Variants in THEMIS observed in about 807,000 individuals in gnomAD.
The protein encoded by THEMIS is thymocyte selection associated.
THEMIS carries 37 observed loss-of-function variants against 52.6 expected under a neutral mutation model. The observed-to-expected ratio is 0.70, with a 90% confidence interval of 0.54 to 0.93. The LOEUF is 0.93. Ranked by LOEUF, THEMIS falls within the 40% of genes least tolerant of loss-of-function variation. THEMIS has a pLI of 0.00. For missense variants in THEMIS, 808 were observed against 763.1 expected, an observed-to-expected ratio of 1.06 and a Z score of -0.69; for synonymous variants, 292 against 272.7, an observed-to-expected ratio of 1.07 and a Z score of -0.70.
chr6:127,812,444 A>G (rs146742745), intron 4 of THEMIS, among the ~76,000 whole-genome samples: 97 of 152,318 alleles, frequency 6.4e-4, no homozygotes, highest in Non-Finnish European at 1.1e-3. Flanking sequence ...GACATGTGCT[A>G]TAGATGCATG....
At chr6:127,915,471 G>A (rs1342648) in intron 1 of THEMIS, among the ~76,000 whole-genome samples, 5 of 151,814 alleles carry the variant, frequency 3.3e-5, no homozygotes, top group Admixed American at 2.6e-4. Context: ...ATTGCTATTC[G>A]GCCCTGATTT....
chr6:127,746,611 T>C (rs12198905), intron 4 of THEMIS, among the ~76,000 whole-genome samples: 5,635 of 144,708 alleles, frequency 0.039, 138 homozygotes, highest in Middle Eastern at 0.059. Context: ...TTGTTTTTAA[T>C]ACTAAAAAAT....
chr6:127,760,435 A>G (rs192493032), intron 4 of THEMIS, among the ~76,000 whole-genome samples: 80 of 152,104 alleles, frequency 5.3e-4, no homozygotes, highest in African/African-American at 1.6e-3. Context: ...TGAAATTTTG[A>G]TAGGTATTAC....
chr6:127,713,484 T>TA (rs989217490), intron 5 of THEMIS, among the ~76,000 whole-genome samples: 15 of 151,942 alleles, frequency 9.9e-5, no homozygotes, highest in Non-Finnish European at 8.8e-5. Context: ...AGCAAACTGA[T>TA]AAAAAATCCC....
At chr6:127,769,802 G>A (rs1173570214) in intron 4 of THEMIS, among the ~76,000 whole-genome samples, 1 of 152,056 alleles carries the variant, frequency 6.6e-6, no homozygotes, top group Non-Finnish European at 1.5e-5. Context: ...ATGACAGTGT[G>A]TGATGTTCCC....
At chr6:127,873,476 C>A (rs1780217707) in intron 1 of THEMIS, among the ~76,000 whole-genome samples, 1 of 152,126 alleles carries the variant, frequency 6.6e-6, no homozygotes, top group South Asian at 2.1e-4. Context: ...TGTACTCCCC[C>A]AAAAACAGCG....
intron 2 of THEMIS, among the ~76,000 whole-genome samples, chr6:127,851,890 A>G (rs1779438776): frequency 6.6e-6 from 1 of 151,704 alleles, no homozygotes; most frequent in Non-Finnish European, 1.5e-5. Flanking sequence ...TGCTCAGAAC[A>G]CTTACATTAG....
At chr6:127,703,056 T>G in the THEMIS span, among the ~76,000 whole-genome samples, 3 of 124,222 alleles carry the variant, frequency 2.4e-5, no homozygotes, top group African/African-American at 3.0e-5. Flanking sequence ...TTTTTTTTTT[T>G]TTTTTTTTTG....
In THEMIS at chr6:127,868,593, G is replaced by A. The variant is rs144273417; in HGVS notation, c.92-13405C>T. 2,479 of 407,696 alleles carry A rather than the reference G, an allele frequency of 6.1e-3. 11 individuals carry two copies. The highest frequency in any genetic ancestry group is 7.4e-3 in the Non-Finnish European group (2,251 of 302,254). 25.3% of individuals were successfully genotyped at this position (407,696 alleles called of 1,614,324 possible). On this transcript the variant is annotated intron_variant, in intron 1 of 5. Transcript: ENST00000368248. ...GGATATGGGATGACTCATAGCTTTG[G>A]CTGGTGATATCTGGCTACAAGCTGC... is the stretch of plus-strand genomic sequence containing the variant.
At chr6:127,745,275 C>T (rs1431280282) in intron 4 of THEMIS, among the ~76,000 whole-genome samples, 1 of 151,660 alleles carries the variant, frequency 6.6e-6, no homozygotes, top group Non-Finnish European at 1.5e-5. Context: ...TATGCCTAAG[C>T]AATTAATCTT....
At chr6:127,829,370 A>G (rs1778615063) in intron 3 of THEMIS, 106 bp downstream of exon 3, 1 of 872,762 alleles carries the variant, frequency 1.1e-6, no homozygotes, top group South Asian at 1.8e-5. Flanking sequence ...CACAGGCTCA[A>G]TAGTTGAAAT....
At chr6:127,776,453 G>A (rs902371904) in intron 4 of THEMIS, among the ~76,000 whole-genome samples, 1 of 152,230 alleles carries the variant, frequency 6.6e-6, no homozygotes, top group African/African-American at 2.4e-5. Flanking sequence ...AGACAGCTCT[G>A]TGCAGAGGCT....
chr6:127,730,316 G>GA (rs1176339654), intron 4 of THEMIS, among the ~76,000 whole-genome samples: 1 of 129,860 alleles, frequency 7.7e-6, no homozygotes, highest in Non-Finnish European at 1.5e-5. Context: ...GAAAAGAAAA[G>GA]AGAAAAAAAG....
chr6:127,855,211 A>G, intron 1 of THEMIS, 23 bp from the exon 2 acceptor site: 1 of 1,557,552 alleles, frequency 6.4e-7, no homozygotes, highest in Non-Finnish European at 8.6e-7. Flanking sequence ...AAAAGTTAAA[A>G]CAGCTTTTTA....
chr6:127,806,406 G>C (rs1246037719), intron 4 of THEMIS, among the ~76,000 whole-genome samples: 3 of 152,100 alleles, frequency 2.0e-5, no homozygotes, highest in Non-Finnish European at 4.4e-5. Flanking sequence ...TAGATAAGGA[G>C]TGGGGGACAG....
chr6:127,697,005 C>CCA, the THEMIS span, among the ~76,000 whole-genome samples: 7 of 152,020 alleles, frequency 4.6e-5, no homozygotes, highest in Admixed American at 3.9e-4. Context: ...ACACATGCGC[C>CCA]CACACACACA....
chr6:127,830,765 A>G (rs969342419), intron 2 of THEMIS, among the ~76,000 whole-genome samples: 5 of 152,194 alleles, frequency 3.3e-5, no homozygotes, highest in Admixed American at 6.5e-5. Context: ...ATGGTTGCAC[A>G]ATATTCCAAA....
Position 127,746,914 on chromosome 6 carries a change from A to G in THEMIS, c.1759-27091T>C, listed in dbSNP as rs1445677386. Among the ~76,000 whole-genome samples, 28 of 63,754 alleles carry G rather than the reference A, an allele frequency of 4.4e-4. 1 individual carries two copies. The highest frequency in any genetic ancestry group is 1.9e-3 in the African/African-American group (28 of 14,880). 41.8% of individuals were successfully genotyped at this position (63,754 alleles called of 152,430 possible). A position where few individuals can be genotyped will look rare whatever the true frequency, so the allele number is the denominator to read the frequency against. ...TTATTATATAATTATATTATATATA[A>G]TTATATATAGATATCTATAATTATA... On this transcript the variant is annotated intron_variant, in intron 4 of 5. Coordinates refer to ENST00000368248, the MANE Select transcript of THEMIS (RefSeq NM_001010923.3).
At position 127,839,596 on chromosome 6, in the gene THEMIS, G is replaced by T. The variant is rs892216021; in HGVS notation, c.251-9662C>A. ...CAGATCACTGCGGCCTCGAACTCCTGGGTTCATGCCATCCTCCCACCTAAG... is the reference window on the plus strand; with the variant it reads ...CAGATCACTGCGGCCTCGAACTCCTTGGTTCATGCCATCCTCCCACCTAAG... On this transcript the variant is annotated intron_variant, in intron 2 of 5. Coordinates refer to ENST00000368248, the MANE Select transcript of THEMIS (RefSeq NM_001010923.3). 1.3e-4 allele frequency among the ~76,000 whole-genome samples: 19 copies of T among 151,910 alleles called. No individual in the cohort carries two copies. The East Asian group carries it at 1.4e-3, about 11-fold the overall frequency.
Sources: gnomAD v4.1 joint callset for allele counts (sites outside exome capture counted in the v4.1 genomes callset) on GRCh38, gnomAD v4.1.1 for gene constraint, MANE v1.5 for transcripts, NCBI Gene and HGNC (gene_info 2026-07-23, HGNC 2026-07-21) for gene names.